Variants in PRRC2B observed in about 807,000 individuals in gnomAD.
PRRC2B encodes the protein protein PRRC2B.
In PRRC2B, 68 loss-of-function variants were observed where a neutral mutation model predicts 242.3. The observed-to-expected ratio is 0.28, with a 90% confidence interval of 0.23 to 0.34. The LOEUF is 0.34. Among genes scored for constraint, PRRC2B ranks in the 10% least tolerant of loss-of-function variants. The probability of loss-of-function intolerance (pLI) is 1.00; values close to 1 mark genes in which losing one functional copy is unlikely to be tolerated. For synonymous variants in PRRC2B, 1,228 were observed against 1,173.6 expected (o/e 1.05, Z -0.95); for missense variants, 2,835 against 2,954.8 (o/e 0.96, Z 0.94).
intron 3 of PRRC2B, among the ~76,000 whole-genome samples, chr9:131,434,446 G>A (rs578196263): frequency 1.3e-5 from 2 of 152,344 alleles, no homozygotes; most frequent in South Asian, 2.1e-4. Context: ...ATAGACCCCC[G>A]TGTAGTTCTC....
chr9:131,473,822 G>A, intron 15 of PRRC2B, 98 bp downstream of exon 15: 2 of 865,744 alleles, frequency 2.3e-6, no homozygotes, highest in Non-Finnish European at 3.6e-6. Flanking sequence ...AGGAGACACT[G>A]CCCACGGGAG....
chr9:131,482,104 T>G lies in PRRC2B; in HGVS notation c.4984-267T>G. Among the ~76,000 whole-genome samples the G allele has an allele frequency of 6.6e-6, 1 of 152,158 alleles. No homozygotes were observed. Among genetic ancestry groups the G allele is most frequent in the East Asian group, 1.9e-4 (1 of 5,192 alleles). On this transcript the variant is annotated intron_variant, in intron 20 of 31. Coordinates refer to ENST00000683519, the MANE Select transcript of PRRC2B (RefSeq NM_013318.4). The surrounding 1 kb of genome is among the most constrained non-coding windows in gnomAD (Gnocchi z 5.2). ...TGAACTGGTGTCAGCAGCCACGTAG[T>G]CTGGTTTGGGTCACAAGTGAGATGG...
intron 11 of PRRC2B, among the ~76,000 whole-genome samples, chr9:131,461,713 G>T (rs1255273327): frequency 6.6e-6 from 1 of 152,124 alleles, no homozygotes; most frequent in South Asian, 2.1e-4. Context: ...GCTAACTTTT[G>T]TATTTTTAGT....
intron 1 of PRRC2B, among the ~76,000 whole-genome samples, chr9:131,420,500 T>TCTTTCTTTTCTTTCC (rs1380661357): frequency 2.1e-5 from 2 of 96,346 alleles, no homozygotes; most frequent in African/African-American, 7.9e-5. Flanking sequence ...TTTCTTTTTT[T>TCTTTCTTTTCTTTCC]TTTTTTTTTT....
At chr9:131,395,442 C>A (rs984752111) in intron 1 of PRRC2B, among the ~76,000 whole-genome samples, 1 of 152,104 alleles carries the variant, frequency 6.6e-6, no homozygotes, top group African/African-American at 2.4e-5. Flanking sequence ...ACTGGGGAGG[C>A]CCAGGCATTG....
chr9:131,494,362 TGA>T lies in PRRC2B; in HGVS notation c.6474-42_6474-41del, dbSNP rs1944274140. On this transcript the variant is annotated intron_variant, in intron 30 of 31. Coordinates refer to ENST00000683519, the MANE Select transcript of PRRC2B (RefSeq NM_013318.4). The surrounding 1 kb of genome is among the most constrained non-coding windows in gnomAD (Gnocchi z 4.3). Reference sequence around the variant, plus strand: ...CTAGGCTTTGACTCCATTTCTGTGGTGACACGTTGTGTATTCTCAACCCCTGC... The same window carrying T: ...CTAGGCTTTGACTCCATTTCTGTGGTCACGTTGTGTATTCTCAACCCCTGC... 1 of 1,038,810 alleles carries T rather than the reference TGA, an allele frequency of 9.6e-7. No individual in the cohort carries two copies. Among genetic ancestry groups the T allele is most frequent in the South Asian group, 1.4e-5 (1 of 71,900 alleles). 64.3% of individuals were successfully genotyped at this position (1,038,810 alleles called of 1,614,324 possible). A position where few individuals can be genotyped will look rare whatever the true frequency, so the allele number is the denominator to read the frequency against.
chr9:131,425,210 T>C (rs1391872658), intron 1 of PRRC2B, among the ~76,000 whole-genome samples: 1 of 152,154 alleles, frequency 6.6e-6, no homozygotes, highest in East Asian at 1.9e-4. Flanking sequence ...GGTCTTGAAC[T>C]CCTGACCTCA....
intron 1 of PRRC2B, among the ~76,000 whole-genome samples, chr9:131,395,928 C>G (rs1837041092): frequency 6.6e-6 from 1 of 152,210 alleles, no homozygotes; most frequent in Non-Finnish European, 1.5e-5. Context: ...GTCCTGCCTT[C>G]TGAGGATAAC....
chr9:131,429,613 T>C (rs926345101), intron 1 of PRRC2B, among the ~76,000 whole-genome samples: 3 of 152,178 alleles, frequency 2.0e-5, no homozygotes, highest in Non-Finnish European at 4.4e-5. Flanking sequence ...CTCCTTTGAT[T>C]TGGTTTTGCT....
intron 1 of PRRC2B, among the ~76,000 whole-genome samples, chr9:131,420,126 G>A (rs1837763120): frequency 6.6e-6 from 1 of 152,054 alleles, no homozygotes; most frequent in Non-Finnish European, 1.5e-5. Context: ...TCCTATATAT[G>A]CTGTCTCCTT....
rs750519618 is a variant in PRRC2B at position 131,447,138 on chromosome 9, T to C, written c.909T>C (p.Phe303=). Residue 303 remains phenylalanine (F), a synonymous_variant, in exon 8 of 32, where the codon TTT becomes TTC. Coordinates refer to ENST00000683519, the MANE Select transcript of PRRC2B (RefSeq NM_013318.4). ...ENQGTVERGS[F]PLPQLRLEPR... ...AGGGTACAGTGGAACGAGGCTCTTT[T>C]CCCCTTCCTCAGCTCCGCCTTGAAC... The C allele has an allele frequency of 1.2e-5, 19 of 1,613,928 alleles. No individual in the cohort carries two copies. The highest frequency in any genetic ancestry group is 1.6e-5 in the Non-Finnish European group (19 of 1,179,908).
chr9:131,390,045 C>T (rs896070418), upstream of PRRC2B, among the ~76,000 whole-genome samples: 9 of 148,368 alleles, frequency 6.1e-5, no homozygotes, highest in African/African-American at 1.2e-4. Flanking sequence ...CTCAGCCTCC[C>T]GAGCGATTAC....
chr9:131,472,559 C>T (rs1248147397), intron 14 of PRRC2B, among the ~76,000 whole-genome samples: 1 of 149,366 alleles, frequency 6.7e-6, no homozygotes, highest in Non-Finnish European at 1.5e-5. Context: ...CTACTGCAAC[C>T]TCCACCTCCC....
In PRRC2B at chr9:131,478,628, CGGAGGGTGGGGGGGCATGGGGCT is replaced by C; in HGVS notation, c.4758+16_4758+38del. On this transcript the variant is annotated intron_variant, in intron 18 of 31. Coordinates refer to ENST00000683519, the MANE Select transcript of PRRC2B (RefSeq NM_013318.4). Reference sequence around the variant, plus strand: ...AGGAGCAGGCCGTGCAGGTGAGGGGCGGAGGGTGGGGGGGCATGGGGCTGGAGGGCAGGCTGGCAGATGCCCAG... The same window carrying C: ...AGGAGCAGGCCGTGCAGGTGAGGGGCGGAGGGCAGGCTGGCAGATGCCCAG... 3.8e-6 allele frequency: 1 copy of C among 259,982 alleles called. No homozygotes were observed. 16.1% of individuals were successfully genotyped at this position (259,982 alleles called of 1,614,324 possible).
At chr9:131,438,514 C>G (rs1365615908) in intron 4 of PRRC2B, among the ~76,000 whole-genome samples, 1 of 152,170 alleles carries the variant, frequency 6.6e-6, no homozygotes, top group Non-Finnish European at 1.5e-5. Flanking sequence ...AGTGCTGCAG[C>G]CAGCCCACCC....
Position 131,497,086 on chromosome 9 carries a change from C to T in PRRC2B, c.*1212C>T, listed in dbSNP as rs1029826644. ...CGTGTGTGGTCCCCAAGTGAGGCCA[C>T]TGGGAGTTTGTCCTTTTCCTCCTTT... is the stretch of plus-strand genomic sequence containing the variant. On this transcript the variant is annotated 3_prime_UTR_variant, in exon 32 of 32. Coordinates refer to ENST00000683519, the MANE Select transcript of PRRC2B (RefSeq NM_013318.4). The T allele has an allele frequency of 7.9e-5, 12 of 152,390 alleles. No individual in the cohort carries two copies. Among genetic ancestry groups the T allele is most frequent in the African/African-American group, 2.9e-4 (12 of 41,464 alleles). The allele number at this position is 152,390 out of a possible 1,614,324, so 9.4% of individuals were successfully genotyped here.
chr9:131,494,662 A>T lies in PRRC2B; in HGVS notation c.6555+176A>T, dbSNP rs1944282682. Among the ~76,000 whole-genome samples the T allele has an allele frequency of 6.6e-6, 1 of 152,158 alleles. No individual in the cohort carries two copies. The highest frequency in any genetic ancestry group is 2.4e-5 in the African/African-American group (1 of 41,430). On this transcript the variant is annotated intron_variant, in intron 31 of 31. Coordinates refer to ENST00000683519, the MANE Select transcript of PRRC2B (RefSeq NM_013318.4). This position sits in a 1 kb window ranked among gnomAD's most constrained non-coding sequence, Gnocchi z 4.3. Reference sequence around the variant, plus strand: ...CGCCCGCGTCCCTCCTGGCGAAGGCATTTCTCCTCTTGACGGGCGTCTGGA... The same window carrying T: ...CGCCCGCGTCCCTCCTGGCGAAGGCTTTTCTCCTCTTGACGGGCGTCTGGA...
intron 13 of PRRC2B, among the ~76,000 whole-genome samples, chr9:131,468,433 T>C (rs915624535): frequency 1.3e-5 from 2 of 152,262 alleles, no homozygotes; most frequent in Admixed American, 6.5e-5. Context: ...GTCACCGTTA[T>C]TGGCTTTTTA....
chr9:131,411,917 G>C (rs1000094737), intron 1 of PRRC2B, among the ~76,000 whole-genome samples: 1 of 151,962 alleles, frequency 6.6e-6, no homozygotes, highest in African/African-American at 2.4e-5. Context: ...GGATTCAAGG[G>C]AGTCTCCCAA....
Sources: allele counts gnomAD v4.1 joint callset (sites outside exome capture counted in the v4.1 genomes callset), GRCh38; gene constraint gnomAD v4.1.1; non-coding constraint Gnocchi (gnomAD v3.1); transcripts MANE v1.5; gene names NCBI Gene and HGNC (gene_info 2026-07-23, HGNC 2026-07-21).